Variants in ARID1B observed in about 807,000 individuals in gnomAD.
ARID1B encodes AT-rich interactive domain-containing protein 1B.
Under a neutral mutation model 212.3 loss-of-function variants are expected in ARID1B, and 30 were observed. The observed-to-expected ratio is 0.14, with a 90% CI of 0.11 to 0.19. The LOEUF is 0.19. Among genes scored for constraint, ARID1B ranks in the 10% least tolerant of loss-of-function variants. ARID1B has a pLI of 1.00. For missense variants in ARID1B, 2,891 were observed against 3,204.0 expected (o/e 0.90, Z 2.36); for synonymous variants, 1,402 against 1,301.7 (o/e 1.08, Z -1.66).
chr6:156,838,559 G>A (rs1040985880), intron 2 of ARID1B, among the ~76,000 whole-genome samples: 12 of 152,114 alleles, frequency 7.9e-5, no homozygotes, highest in African/African-American at 2.9e-4. Context: ...ACCGAAGCCT[G>A]TCGGTGGGAA....
chr6:156,926,228 G>C (rs1582961976), intron 3 of ARID1B, among the ~76,000 whole-genome samples: 2 of 152,190 alleles, frequency 1.3e-5, no homozygotes, highest in South Asian at 4.2e-4. Context: ...AAGAAGAGCA[G>C]GTTTTACTTT....
rs587779748 is a variant in ARID1B, at chr6:156,778,871, C to CGGA, written c.1203_1205dup (p.Gly402dup). The CGGA allele has an allele frequency of 9.5e-5, 127 of 1,340,152 alleles. 1 individual carries two copies. Among genetic ancestry groups the CGGA allele is most frequent in the East Asian group, 5.1e-4 (16 of 31,502 alleles). The allele number at this position is 1,340,152 out of a possible 1,614,324, so 83.0% of individuals were successfully genotyped here. ...CGGGCGGCGGCGGCGGCGGCGGCGG[C>CGGA]GGAGGAGGAGGAGGCAGCGGAGGAG... On this transcript the variant is annotated inframe_insertion, in exon 1 of 20. Coordinates refer to ENST00000636930, the MANE Select transcript of ARID1B (RefSeq NM_001374828.1).
chr6:157,153,024 A>G (rs1015117954), intron 8 of ARID1B, among the ~76,000 whole-genome samples: 3 of 152,232 alleles, frequency 2.0e-5, no homozygotes, highest in African/African-American at 7.2e-5. Flanking sequence ...TGCTCATTGT[A>G]AAAATGAAGG....
chr6:157,179,520 C>G (rs1792359909), intron 11 of ARID1B, among the ~76,000 whole-genome samples: 1 of 152,040 alleles, frequency 6.6e-6, no homozygotes, highest in Non-Finnish European at 1.5e-5. Context: ...ATTTTTTAAG[C>G]TCTTATCTAA....
At chr6:157,067,646 G>A (rs561561671) in intron 4 of ARID1B, among the ~76,000 whole-genome samples, 9 of 152,242 alleles carry the variant, frequency 5.9e-5, no homozygotes, top group Non-Finnish European at 1.3e-4. Context: ...GGATCTGCCC[G>A]ACACTTTGTC....
intron 1 of ARID1B, among the ~76,000 whole-genome samples, chr6:156,817,974 G>A (rs1219998757): frequency 6.6e-6 from 1 of 151,952 alleles, no homozygotes; most frequent in Non-Finnish European, 1.5e-5. Flanking sequence ...AGATTTGATT[G>A]CATACTTTAA....
intron 4 of ARID1B, among the ~76,000 whole-genome samples, chr6:157,053,127 C>G (rs1375740287): frequency 6.6e-6 from 1 of 151,866 alleles, no homozygotes; most frequent in Non-Finnish European, 1.5e-5. Context: ...ACTCTGTAGC[C>G]CAAGCTGGAG....
chr6:157,039,678 C>CTTCTTTCT (rs1562569214), intron 4 of ARID1B, among the ~76,000 whole-genome samples: 86 of 85,908 alleles, frequency 1.0e-3, no homozygotes, highest in African/African-American at 1.6e-3. Context: ...TCCTTCCTTC[C>CTTCTTTCT]TTCCTTCCTT....
At chr6:157,009,646 CAATT>C (rs1300139844) in intron 4 of ARID1B, among the ~76,000 whole-genome samples, 1 of 152,200 alleles carries the variant, frequency 6.6e-6, no homozygotes. Flanking sequence ...AAATGCTCAT[CAATT>C]GAGACATTTC....
rs1452713953 is a variant in ARID1B at position 156,901,389 on chromosome 6, A to G, written c.2000A>G (p.Tyr667Cys). ...QYPQQQMPPQYGQQGVSGYCQ... is the reference protein window; with the variant it reads ...QYPQQQMPPQCGQQGVSGYCQ... Reference sequence around the variant, plus strand: ...ACTTTTTGACAGATGCCACCTCAGTATGGACAGCAAGGTGTGAGTGGTTAC... The same window carrying G: ...ACTTTTTGACAGATGCCACCTCAGTGTGGACAGCAAGGTGTGAGTGGTTAC... Residue 667 changes from tyrosine to cysteine, a missense_variant, in exon 3 of 20, where the codon TAT (tyrosine) becomes TGT (cysteine). By Grantham distance (194) the Tyr-to-Cys change is radical. Transcript: ENST00000636930. The G allele has an allele frequency of 6.2e-7, 1 of 1,614,066 alleles. No homozygotes were observed. Among genetic ancestry groups the G allele is most frequent in the African/African-American group, 1.3e-5 (1 of 74,922 alleles).
chr6:157,103,577 CAT>C, intron 5 of ARID1B, among the ~76,000 whole-genome samples: 1 of 152,286 alleles, frequency 6.6e-6, no homozygotes, highest in Middle Eastern at 3.4e-3. Flanking sequence ...CCAAAATACA[CAT>C]ATTAGCCTCT....
At chr6:157,104,608 C>T (rs2128503013) in intron 5 of ARID1B, among the ~76,000 whole-genome samples, 1 of 152,244 alleles carries the variant, frequency 6.6e-6, no homozygotes, top group Non-Finnish European at 1.5e-5. Context: ...AAACAATAAA[C>T]AGTTAAAAGA....
At chr6:156,836,787 C>T (rs969872937) in intron 2 of ARID1B, among the ~76,000 whole-genome samples, 2 of 152,142 alleles carry the variant, frequency 1.3e-5, no homozygotes, top group Non-Finnish European at 2.9e-5. Context: ...ACCTCAGCCT[C>T]CTGAGTAGCT....
chr6:156,990,985 T>C (rs1265607594), intron 4 of ARID1B, among the ~76,000 whole-genome samples: 1 of 152,222 alleles, frequency 6.6e-6, no homozygotes, highest in Admixed American at 6.5e-5. Context: ...AGCTAGGCAC[T>C]TTTGCAAACA....
intron 3 of ARID1B, among the ~76,000 whole-genome samples, chr6:156,926,088 C>T (rs1791196246): frequency 1.3e-5 from 2 of 152,146 alleles, no homozygotes; most frequent in African/African-American, 4.8e-5. Flanking sequence ...CATAAGGCTT[C>T]TTGGAGCTGG....
intron 3 of ARID1B, among the ~76,000 whole-genome samples, chr6:156,917,922 T>G (rs1790486587): frequency 6.6e-6 from 1 of 152,206 alleles, no homozygotes; most frequent in Admixed American, 6.5e-5. Flanking sequence ...GACATCTTTT[T>G]GGTCAGCAAT....
At chr6:157,069,935 T>C (rs1242388787) in intron 4 of ARID1B, among the ~76,000 whole-genome samples, 1 of 152,232 alleles carries the variant, frequency 6.6e-6, no homozygotes, top group Non-Finnish European at 1.5e-5. Context: ...GTAGTTGTTC[T>C]CTTAAAAGGC....
At chr6:156,861,701 G>A (rs967430021) in intron 2 of ARID1B, among the ~76,000 whole-genome samples, 3 of 152,272 alleles carry the variant, frequency 2.0e-5, no homozygotes, top group East Asian at 1.9e-4. Flanking sequence ...ACCTTCCCAC[G>A]GAACCTGAAC....
chr6:157,199,147 G>A (rs938948246), intron 17 of ARID1B, among the ~76,000 whole-genome samples: 1 of 152,302 alleles, frequency 6.6e-6, no homozygotes, highest in Non-Finnish European at 1.5e-5. Context: ...AAGAAGTTGA[G>A]TGTATTCATC....
Sources: allele counts gnomAD v4.1 joint callset (sites outside exome capture counted in the v4.1 genomes callset), GRCh38; gene constraint gnomAD v4.1.1; transcripts MANE v1.5; gene names NCBI Gene and HGNC (gene_info 2026-07-23, HGNC 2026-07-21).